MAP3K1: variants seen among roughly 807,000 people sequenced by gnomAD.
MAP3K1 encodes mitogen-activated protein kinase kinase kinase 1.
MAP3K1 carries 36 observed loss-of-function variants against 144.2 expected under a neutral mutation model. The ratio of observed to expected loss-of-function variants is 0.25; its 90% confidence interval spans 0.19 to 0.33. The LOEUF (loss-of-function observed/expected upper bound fraction) is 0.33. Ranked by LOEUF, MAP3K1 falls within the 10% of genes least tolerant of loss-of-function variation. MAP3K1 has a pLI of 1.00. For synonymous variants in MAP3K1, 718 were observed against 688.7 expected (o/e 1.04, Z -0.67); for missense variants, 1,650 against 1,881.9 (o/e 0.88, Z 2.28).
chr5:56,879,544 C>CGTAA (rs1402547428), intron 11 of MAP3K1, among the ~76,000 whole-genome samples: 18 of 148,068 alleles, frequency 1.2e-4, no homozygotes, highest in African/African-American at 3.8e-4. Context: ...TGGAATTTTA[C>CGTAA]TCTACTTATG....
chr5:56,868,001 A>G (rs1747728924), intron 6 of MAP3K1, among the ~76,000 whole-genome samples: 1 of 152,234 alleles, frequency 6.6e-6, no homozygotes, highest in South Asian at 2.1e-4. Context: ...TATATTATGC[A>G]TGAACCCAGT....
At chr5:56,831,107 T>C (rs73759227) in intron 1 of MAP3K1, among the ~76,000 whole-genome samples, 3,127 of 152,176 alleles carry the variant, frequency 0.021, 108 homozygotes, top group African/African-American at 0.072. Context: ...TAAAATAGCC[T>C]AGAAATTTTA....
chr5:56,893,599 T>G lies in MAP3K1; in HGVS notation c.4458T>G (p.Leu1486=), dbSNP rs757429876. ...HLSPGLRDVA[L]RCLELQPQDR... ...CTCCTGGTTTACGAGATGTGGCTCT[T>G]CGTTGTTTAGAACTTCAACCTCAGG... Residue 1486 remains leucine, a synonymous_variant, in exon 20 of 20, where the codon CTT becomes CTG. Coordinates refer to ENST00000399503, the MANE Select transcript of MAP3K1 (RefSeq NM_005921.2). 1 of 1,614,046 alleles carries G rather than the reference T, an allele frequency of 6.2e-7. No homozygotes were observed. Among genetic ancestry groups the G allele is most frequent in the Non-Finnish European group, 8.5e-7 (1 of 1,179,902 alleles).
intron 1 of MAP3K1, among the ~76,000 whole-genome samples, chr5:56,840,772 T>C (rs544004381): frequency 1.6e-4 from 25 of 152,270 alleles, no homozygotes; most frequent in African/African-American, 5.8e-4. Context: ...AACTGAAACT[T>C]GGTCTGAGAG....
chr5:56,883,494 A>G (rs756299904), intron 14 of MAP3K1, 33 bp from the exon 15 acceptor site: 73 of 1,607,738 alleles, frequency 4.5e-5, no homozygotes, highest in Non-Finnish European at 5.9e-5. Context: ...TACTCCTTTA[A>G]CAGTAAAAAG....
At chr5:56,824,859 T>C (rs252908) in intron 1 of MAP3K1, among the ~76,000 whole-genome samples, 76,455 of 151,952 alleles carry the variant, frequency 0.5, 21,448 homozygotes, top group Non-Finnish European at 0.65. Context: ...CCTGAGTCAT[T>C]TTATACCTTG....
At chr5:56,880,955 C>G (rs1748186124) in intron 12 of MAP3K1, 128 bp from the exon 13 acceptor site, 5 of 1,058,796 alleles carry the variant, frequency 4.7e-6, no homozygotes, top group Non-Finnish European at 7.0e-6. Context: ...ATGTGAATTA[C>G]TCTGAGAGAG....
chr5:56,887,261 C>T, intron 17 of MAP3K1, 117 bp from the exon 18 acceptor site: 2 of 932,702 alleles, frequency 2.1e-6, no homozygotes, highest in Non-Finnish European at 3.4e-6. Context: ...GCACCTCTGA[C>T]ATGTAGTTCA....
At chr5:56,817,061 G>A in intron 1 of MAP3K1, 1 of 985,416 alleles carries the variant, frequency 1.0e-6, no homozygotes, top group Non-Finnish European at 1.2e-6. Flanking sequence ...GCCGCAGTGC[G>A]GTGGGCTTCG....
At chr5:56,858,808 G>A (rs3814430) in intron 2 of MAP3K1, among the ~76,000 whole-genome samples, 2,169 of 152,216 alleles carry the variant, frequency 0.014, 34 homozygotes, top group East Asian at 0.055. Context: ...TTAACTCAGC[G>A]TAGAAAGATG....
At position 56,893,620 on chromosome 5, in the gene MAP3K1, T is replaced by A; in HGVS notation, c.4479T>A (p.Pro1493=). 3 of 1,614,018 alleles carry A rather than the reference T, an allele frequency of 1.9e-6. No homozygotes were observed. Among genetic ancestry groups the A allele is most frequent in the Non-Finnish European group, 2.5e-6 (3 of 1,179,896 alleles). The change falls in exon 20 of 20, where the codon CCT becomes CCA. Residue 1493 remains proline (P), a synonymous_variant. Transcript: ENST00000399503. Reference sequence around the variant, plus strand: ...CTCTTCGTTGTTTAGAACTTCAACCTCAGGACAGACCTCCATCAAGAGAGC... The same window carrying A: ...CTCTTCGTTGTTTAGAACTTCAACCACAGGACAGACCTCCATCAAGAGAGC... ...DVALRCLELQ[P]QDRPPSRELL...
At chr5:56,893,428 C>G in intron 19 of MAP3K1, 103 bp from the exon 20 acceptor site, 3 of 1,235,168 alleles carry the variant, frequency 2.4e-6, no homozygotes, top group Non-Finnish European at 2.4e-6. Context: ...CAGTTCCTCT[C>G]TGTTCAGGAT....
In MAP3K1 at chr5:56,873,866, T is replaced by C. The variant is rs546357650; in HGVS notation, c.1686+861T>C. ...GAATCTAATAAAATCTGCAAAAATA[T>C]TAAACACATTCTTGTACCTAGTTCA... On this transcript the variant is annotated intron_variant, in intron 9 of 19. Transcript: ENST00000399503. Among the ~76,000 whole-genome samples the C allele has an allele frequency of 2.0e-5, 3 of 150,116 alleles. No individual in the cohort carries two copies. The East Asian group carries it at 5.8e-4, about 29-fold the overall frequency.
At chr5:56,871,301 G>A (rs1050759806) in intron 6 of MAP3K1, among the ~76,000 whole-genome samples, 1 of 151,808 alleles carries the variant, frequency 6.6e-6, no homozygotes, top group Non-Finnish European at 1.5e-5. Flanking sequence ...ATTTCTTTTC[G>A]TTATTCTAAA....
Position 56,894,385 on chromosome 5 carries a change from C to T in MAP3K1, c.*705C>T. ...TTTCAAACCAGAAAAAAAAAATGAACTAGATATGAAGTAGAGTTCATTAAA... is the reference window on the plus strand; with the variant it reads ...TTTCAAACCAGAAAAAAAAAATGAATTAGATATGAAGTAGAGTTCATTAAA... On this transcript the variant is annotated 3_prime_UTR_variant, in exon 20 of 20. Coordinates refer to ENST00000399503, the MANE Select transcript of MAP3K1 (RefSeq NM_005921.2). 4.3e-6 allele frequency: 1 copy of T among 231,262 alleles called. No homozygotes were observed. 14.3% of individuals were successfully genotyped at this position (231,262 alleles called of 1,614,324 possible).
chr5:56,849,444 T>C (rs1747101577), intron 1 of MAP3K1, among the ~76,000 whole-genome samples: 1 of 152,190 alleles, frequency 6.6e-6, no homozygotes, highest in African/African-American at 2.4e-5. Context: ...GCCTGTTTCT[T>C]GTTATAAATA....
chr5:56,888,975 G>A (rs1748466046), intron 19 of MAP3K1, among the ~76,000 whole-genome samples: 1 of 152,136 alleles, frequency 6.6e-6, no homozygotes, highest in Non-Finnish European at 1.5e-5. Flanking sequence ...AGGTAGTTAT[G>A]CTCTGTTAAG....
chr5:56,882,990 ACT>A (rs1304079197), intron 14 of MAP3K1, 124 bp downstream of exon 14: 11 of 753,722 alleles, frequency 1.5e-5, no homozygotes, highest in Middle Eastern at 3.1e-4. Context: ...GGAGTTCGAA[ACT>A]AGCCTGGTCA....
chr5:56,841,491 G>A (rs1746813940), intron 1 of MAP3K1, among the ~76,000 whole-genome samples: 2 of 152,138 alleles, frequency 1.3e-5, no homozygotes, highest in Admixed American at 1.3e-4. Flanking sequence ...CGTAGATGGT[G>A]ATGATACCTT....
Sources: gnomAD v4.1 joint callset for allele counts (sites outside exome capture counted in the v4.1 genomes callset) on GRCh38, gnomAD v4.1.1 for gene constraint, MANE v1.5 for transcripts, NCBI Gene and HGNC (gene_info 2026-07-23, HGNC 2026-07-21) for gene names.